GABRG3: variants seen among roughly 807,000 people sequenced by gnomAD.
GABRG3 encodes the protein gamma-aminobutyric acid type A receptor subunit gamma3.
GABRG3 carries 25 observed loss-of-function variants against 48.8 expected under a neutral mutation model. The ratio of observed to expected loss-of-function variants is 0.51; its 90% CI spans 0.37 to 0.72. GABRG3 has a LOEUF of 0.72. Ranked by LOEUF, GABRG3 falls within the 30% of genes least tolerant of loss-of-function variation. GABRG3 has a pLI of 0.00. For missense variants in GABRG3, 394 were observed against 577.9 expected, an observed-to-expected ratio of 0.68 and a Z score of 3.26; for synonymous variants, 227 against 217.6, an observed-to-expected ratio of 1.04 and a Z score of -0.38.
chr15:27,359,778 C>CT (rs58569220), intron 5 of GABRG3, among the ~76,000 whole-genome samples: 4,527 of 152,294 alleles, frequency 0.03, 202 homozygotes, highest in African/African-American at 0.099. Context: ...ATGCATCTTC[C>CT]TTGCTGTAAG....
intron 3 of GABRG3, among the ~76,000 whole-genome samples, chr15:27,103,551 C>T (rs547803597): frequency 2.0e-5 from 3 of 152,136 alleles, no homozygotes; most frequent in African/African-American, 7.2e-5. Context: ...TACCAAAGCT[C>T]GGTTAGGGAG....
At chr15:27,427,070 C>G (rs1309149052) in intron 5 of GABRG3, among the ~76,000 whole-genome samples, 1 of 152,130 alleles carries the variant, frequency 6.6e-6, no homozygotes, top group Non-Finnish European at 1.5e-5. Context: ...AATACTCTGT[C>G]TTCTGGGAAA....
intron 3 of GABRG3, among the ~76,000 whole-genome samples, chr15:27,187,717 ATTTT>A (rs928203466): frequency 8.6e-5 from 13 of 151,726 alleles, no homozygotes; most frequent in Non-Finnish European, 1.0e-4. Flanking sequence ...TTCAATGTTA[ATTTT>A]TTTTATTTTA....
In GABRG3 at chr15:27,080,290, G is replaced by GTAAATAAA. The variant is rs3063256; in HGVS notation, c.270+53482_270+53489dup. ...CATAGCGAGAACCTCTCTCTAATAA[G>GTAAATAAA]TAAATAAATAAATAAATAAAAATTA... On this transcript the variant is annotated intron_variant, in intron 3 of 9. Coordinates refer to ENST00000615808, the MANE Select transcript of GABRG3 (RefSeq NM_033223.5). Among the ~76,000 whole-genome samples the GTAAATAAA allele has an allele frequency of 2.5e-4, 38 of 151,502 alleles. No homozygotes were observed. The East Asian group carries it at 2.5e-3, about 10-fold the overall frequency.
chr15:27,020,072 C>T (rs936021855), intron 2 of GABRG3, among the ~76,000 whole-genome samples: 2 of 152,214 alleles, frequency 1.3e-5, no homozygotes, highest in South Asian at 2.1e-4. Context: ...CCTCCACTCT[C>T]ATCTTGAATT....
intron 3 of GABRG3, among the ~76,000 whole-genome samples, chr15:27,289,944 C>G (rs73363116): frequency 0.1 from 15,320 of 152,118 alleles, 2,556 homozygotes; most frequent in African/African-American, 0.35. Flanking sequence ...TACCTAGTAC[C>G]CAGATATTGT....
intron 3 of GABRG3, among the ~76,000 whole-genome samples, chr15:27,037,934 T>A (rs1392105536): frequency 6.6e-6 from 1 of 152,156 alleles, no homozygotes; most frequent in Non-Finnish European, 1.5e-5. Context: ...CCTGGGAGGC[T>A]GCATTTCACC....
chr15:27,495,521 C>T (rs1890464677), intron 6 of GABRG3, among the ~76,000 whole-genome samples: 1 of 152,156 alleles, frequency 6.6e-6, no homozygotes, highest in Non-Finnish European at 1.5e-5. Context: ...ATAATATTTG[C>T]TTCAACTATC....
chr15:27,090,870 A>G (rs1447669563), intron 3 of GABRG3, among the ~76,000 whole-genome samples: 2 of 152,182 alleles, frequency 1.3e-5, no homozygotes, highest in Admixed American at 6.5e-5. Flanking sequence ...ATATCCTGCA[A>G]CACTGCTGAG....
At chr15:27,474,628 T>C (rs1889880896) in intron 5 of GABRG3, among the ~76,000 whole-genome samples, 1 of 152,156 alleles carries the variant, frequency 6.6e-6, no homozygotes, top group African/African-American at 2.4e-5. Context: ...TGAAGCCTTC[T>C]CAAGAGTAGG....
intron 3 of GABRG3, among the ~76,000 whole-genome samples, chr15:27,234,004 A>G (rs1306505191): frequency 1.3e-5 from 2 of 152,190 alleles, no homozygotes; most frequent in Non-Finnish European, 2.9e-5. Flanking sequence ...AATTCAGACA[A>G]TCACCTATGG....
rs576963358 is a variant in GABRG3 at position 27,108,898 on chromosome 15, C to T, written c.270+82077C>T. Among the ~76,000 whole-genome samples the T allele has an allele frequency of 2.0e-5, 3 of 152,142 alleles. No individual in the cohort carries two copies. In the East Asian group the frequency reaches 5.8e-4, roughly 29 times the overall value. ...TAATTAATATGGCTATTCCAACTTT[C>T]CTTTGATTAAAGTTAGCACTATGTA... On this transcript the variant is annotated intron_variant, in intron 3 of 9. Transcript: ENST00000615808.
chr15:27,221,275 T>C lies in GABRG3; in HGVS notation c.271-105534T>C, dbSNP rs553907310. Among the ~76,000 whole-genome samples the C allele has an allele frequency of 9.2e-5, 14 of 152,206 alleles. No homozygotes were observed. In the South Asian group the frequency reaches 2.3e-3, roughly 25 times the overall value. ...CTTGATGGACAGTGTGCTGATCTGG[T>C]AGAGCAAGGTTTTATTCTCTTGCCA... On this transcript the variant is annotated intron_variant, in intron 3 of 9. Coordinates refer to ENST00000615808, the MANE Select transcript of GABRG3 (RefSeq NM_033223.5).
At chr15:27,112,260 A>G (rs1239704890) in intron 3 of GABRG3, among the ~76,000 whole-genome samples, 2 of 152,064 alleles carry the variant, frequency 1.3e-5, no homozygotes, top group South Asian at 4.2e-4. Context: ...CGGTGACTTC[A>G]GTTCTCTGAT....
chr15:27,122,635 G>A (rs1415647570), intron 3 of GABRG3, among the ~76,000 whole-genome samples: 1 of 152,246 alleles, frequency 6.6e-6, no homozygotes, highest in Non-Finnish European at 1.5e-5. Context: ...GAATGGAGGT[G>A]CAGACAGCCT....
chr15:27,238,672 G>T (rs577073503), intron 3 of GABRG3, among the ~76,000 whole-genome samples: 2 of 152,282 alleles, frequency 1.3e-5, no homozygotes, highest in African/African-American at 4.8e-5. Context: ...ATTATTACTT[G>T]TTAATTCTGC....
chr15:27,411,677 C>T (rs545047465), intron 5 of GABRG3, among the ~76,000 whole-genome samples: 67 of 152,242 alleles, frequency 4.4e-4, no homozygotes, highest in African/African-American at 1.6e-3. Context: ...TTCTCTCTTA[C>T]TGTATTCCTG....
chr15:27,229,113 G>T (rs1440240406), intron 3 of GABRG3, among the ~76,000 whole-genome samples: 1 of 152,098 alleles, frequency 6.6e-6, no homozygotes, highest in African/African-American at 2.4e-5. Flanking sequence ...AATTGCTTTT[G>T]GTGTCTTTGT....
chr15:27,174,984 G>T (rs1462351251), intron 3 of GABRG3, among the ~76,000 whole-genome samples: 1 of 152,128 alleles, frequency 6.6e-6, no homozygotes, highest in Non-Finnish European at 1.5e-5. Context: ...ACCTTCCATT[G>T]CTCTGAGCTA....
Sources: gnomAD v4.1 joint callset for allele counts (sites outside exome capture counted in the v4.1 genomes callset) on GRCh38, gnomAD v4.1.1 for gene constraint, MANE v1.5 for transcripts, NCBI Gene and HGNC (gene_info 2026-07-23, HGNC 2026-07-21) for gene names.